ADGRG1: variants seen among roughly 807,000 people sequenced by gnomAD.
The protein encoded by ADGRG1 is 7-transmembrane protein with no EGF-like N-terminal domains-1.
Under a neutral mutation model 73.5 loss-of-function variants are expected in ADGRG1, and 53 were observed. The ratio of observed to expected loss-of-function variants is 0.72; its 90% CI spans 0.58 to 0.91. The LOEUF is 0.91. ADGRG1 is among the 40% of genes least tolerant of loss of function. The probability of loss-of-function intolerance (pLI) is 0.00; values close to 1 mark genes in which losing one functional copy is unlikely to be tolerated. For synonymous variants in ADGRG1, 394 were observed against 374.4 expected (o/e 1.05, Z -0.60); for missense variants, 795 against 871.8 (o/e 0.91, Z 1.11).
At chr16:57,647,644 C>A in intron 1 of ADGRG1, 1 of 377,494 alleles carries the variant, frequency 2.6e-6, no homozygotes. Flanking sequence ...TGAACCCAGG[C>A]AGTCTGGCTC....
intron 1 of ADGRG1, chr16:57,648,747 G>C (rs1281627684): frequency 3.1e-6 from 3 of 980,348 alleles, no homozygotes. Context: ...CACGCAGGAT[G>C]AGGTTCTGTC....
chr16:57,627,856 A>G, upstream of ADGRG1: 1 of 981,952 alleles, frequency 1.0e-6, no homozygotes, highest in South Asian at 4.7e-5. Flanking sequence ...CAGAAGGGGG[A>G]TGGGGCATGG....
At chr16:57,635,422 G>A in intron 1 of ADGRG1, 1 of 985,384 alleles carries the variant, frequency 1.0e-6, no homozygotes, top group Non-Finnish European at 1.2e-6. Context: ...GTGGGAGCTG[G>A]GACCAGTGCA....
chr16:57,645,105 C>A, intron 1 of ADGRG1: 1 of 985,224 alleles, frequency 1.0e-6, no homozygotes, highest in Non-Finnish European at 1.2e-6. Flanking sequence ...GGAGTTCATC[C>A]TCACCCTGCC....
intron 1 of ADGRG1, 72 bp from the exon 2 acceptor site, chr16:57,650,181 C>T: frequency 6.3e-7 from 1 of 1,575,806 alleles, no homozygotes; most frequent in Non-Finnish European, 8.7e-7. Context: ...CCACACTGGC[C>T]TCCTCTTCTG....
At chr16:57,626,711 G>A, upstream of ADGRG1, 1 of 983,198 alleles carries the variant, frequency 1.0e-6, no homozygotes, top group African/African-American at 1.8e-5. Flanking sequence ...CGCTCTGTGG[G>A]GTGTGTGTGT....
intron 1 of ADGRG1, 31 bp from the exon 2 acceptor site, chr16:57,650,222 A>G: frequency 6.4e-7 from 1 of 1,572,954 alleles, no homozygotes; most frequent in Non-Finnish European, 8.7e-7. Context: ...CACAGTCCAC[A>G]CTCCCAGCTA....
At chr16:57,648,418 A>G (rs560790709) in intron 1 of ADGRG1, 1 of 976,546 alleles carries the variant, frequency 1.0e-6, no homozygotes, top group South Asian at 4.7e-5. Context: ...TGATGCCACC[A>G]GGGCAAGATG....
intron 1 of ADGRG1, chr16:57,648,345 A>G (rs1359604817): frequency 3.9e-6 from 2 of 509,338 alleles, no homozygotes; most frequent in Non-Finnish European, 5.1e-6. Flanking sequence ...CTTACAAATC[A>G]CAACCTGGGA....
At chr16:57,626,538 C>T (rs2035856106), upstream of ADGRG1, 7 of 965,298 alleles carry the variant, frequency 7.3e-6, no homozygotes, top group African/African-American at 1.8e-5. Flanking sequence ...CAAAGTCCGA[C>T]GGTGAGAGAG....
intron 1 of ADGRG1, 158 bp downstream of exon 1, chr16:57,628,960 G>T: frequency 1.7e-6 from 1 of 580,576 alleles, no homozygotes; most frequent in Non-Finnish European, 2.1e-6. Flanking sequence ...GTGAGAGTGT[G>T]TGAGTGTGAG....
Position 57,653,156 on chromosome 16 carries a change from G to A in ADGRG1, c.488-47G>A. 3 of 1,600,860 alleles carry A rather than the reference G, an allele frequency of 1.9e-6. No homozygotes were observed. In the South Asian group the frequency reaches 3.3e-5, roughly 18 times the overall value. On this transcript the variant is annotated intron_variant, in intron 3 of 13. Transcript: ENST00000562631. ...AGGGGGCAGAATGGGAGGGTCCTGGGACCTGAATCGGCAGCCTCGGCGGGG... is the reference window on the plus strand; with the variant it reads ...AGGGGGCAGAATGGGAGGGTCCTGGAACCTGAATCGGCAGCCTCGGCGGGG...
At chr16:57,642,163 A>C in intron 1 of ADGRG1, 3 of 985,372 alleles carry the variant, frequency 3.0e-6, no homozygotes, top group Non-Finnish European at 3.6e-6. Context: ...GCTTGAGATG[A>C]AGTCACAGGC....
At chr16:57,625,737 A>C, upstream of ADGRG1, 2 of 806,488 alleles carry the variant, frequency 2.5e-6, no homozygotes, top group Non-Finnish European at 3.0e-6. Flanking sequence ...CCCTACCCAA[A>C]CATCTTCTCT....
intron 10 of ADGRG1, among the ~76,000 whole-genome samples, chr16:57,657,709 G>A (rs1029928664): frequency 3.3e-5 from 5 of 152,048 alleles, no homozygotes; most frequent in African/African-American, 7.2e-5. Context: ...TTTAGCTGTC[G>A]ACATTGTATT....
chr16:57,647,944 G>C (rs751275570), intron 1 of ADGRG1: 2 of 172,874 alleles, frequency 1.2e-5, no homozygotes, highest in African/African-American at 4.8e-5. Flanking sequence ...GAAGTGACAC[G>C]GTGGTTCTGC....
intron 1 of ADGRG1, chr16:57,637,740 G>A (rs1022215788): frequency 5.1e-6 from 5 of 976,234 alleles, no homozygotes; most frequent in East Asian, 1.1e-4. Flanking sequence ...ACGGAGGGGC[G>A]GGGGAGAAGG....
rs759621391 is a variant in ADGRG1, at chr16:57,656,622, G to A, written c.1167+5G>A. 11 of 1,578,304 alleles carry A rather than the reference G, an allele frequency of 7.0e-6. No homozygotes were observed. Among genetic ancestry groups the A allele is most frequent in the African/African-American group, 2.7e-5 (2 of 74,204 alleles). ...ACCTACTTTGCAGTGCTGATGGTGA[G>A]GGTCCCTGCTCCCACCTCGCAGCCA... is the stretch of plus-strand genomic sequence containing the variant. On this transcript the variant is annotated splice_donor_5th_base_variant and intron_variant, in intron 9 of 13. Coordinates refer to ENST00000562631, the MANE Select transcript of ADGRG1 (RefSeq NM_201525.4).
chr16:57,635,670 C>T (rs1187796081), intron 1 of ADGRG1: 85 of 984,510 alleles, frequency 8.6e-5, no homozygotes, highest in Non-Finnish European at 1.0e-4. Flanking sequence ...AGGCTTTGGG[C>T]CCTGTGGCTC....
Sources: allele counts gnomAD v4.1 joint callset (sites outside exome capture counted in the v4.1 genomes callset), GRCh38; gene constraint gnomAD v4.1.1; transcripts MANE v1.5; gene names NCBI Gene and HGNC (gene_info 2026-07-23, HGNC 2026-07-21).